The following HERC2 variants were observed in gnomAD, a reference collection of about 807,000 sequenced individuals.
HERC2 encodes the protein HECT and RLD domain containing E3 ubiquitin protein ligase 2, also known as E3 ubiquitin-protein ligase HERC2.
In HERC2, 102 loss-of-function variants were observed where a neutral mutation model predicts 537.7. The ratio of observed to expected loss-of-function variants is 0.19; its 90% CI spans 0.16 to 0.22. The LOEUF (loss-of-function observed/expected upper bound fraction) is 0.22, where lower values mean the gene tolerates loss of function less well. HERC2 is among the 10% of genes least tolerant of loss of function. The probability of loss-of-function intolerance (pLI) is 1.00; values close to 1 mark genes in which losing one functional copy is unlikely to be tolerated. For missense variants in HERC2, 4,236 were observed against 6,198.2 expected (o/e 0.68, Z 10.63); for synonymous variants, 2,224 against 2,466.2 (o/e 0.90, Z 2.91).
At chr15:28,186,857 AGC>A in intron 55 of HERC2, 105 bp from the exon 56 acceptor site, 1 of 690,858 alleles carries the variant, frequency 1.4e-6, no homozygotes, top group East Asian at 2.6e-5. Context: ...ACACGGTTAG[AGC>A]TCCTTTACTT....
chr15:28,248,134 G>A (rs760562123), intron 21 of HERC2, among the ~76,000 whole-genome samples: 4 of 152,130 alleles, frequency 2.6e-5, no homozygotes, highest in South Asian at 2.1e-4. Context: ...CTATTAAGCC[G>A]AGCTGTAACT....
chr15:28,132,568 A>C, intron 80 of HERC2, 85 bp downstream of exon 80: 1 of 1,267,944 alleles, frequency 7.9e-7, no homozygotes, highest in Non-Finnish European at 1.0e-6. Context: ...AGCATTTTTC[A>C]TAACAACGGT....
intron 23 of HERC2, among the ~76,000 whole-genome samples, chr15:28,244,394 A>G (rs1903453057): frequency 6.6e-6 from 1 of 152,164 alleles, no homozygotes; most frequent in South Asian, 2.1e-4. Flanking sequence ...GATGTTGGGT[A>G]GGGACAAGAA....
At chr15:28,302,971 GTTGA>G (rs1315971471) in intron 2 of HERC2, among the ~76,000 whole-genome samples, 178 of 151,366 alleles carry the variant, frequency 1.2e-3, no homozygotes, top group African/African-American at 3.9e-3. Context: ...TCTTCATTTT[GTTGA>G]TTGTTTCCTT....
chr15:28,138,297 G>A (rs931980926), intron 78 of HERC2, among the ~76,000 whole-genome samples: 20 of 152,170 alleles, frequency 1.3e-4, no homozygotes, highest in African/African-American at 2.2e-4. Context: ...TGGAACAACC[G>A]TCTATTGGAA....
intron 21 of HERC2, among the ~76,000 whole-genome samples, chr15:28,247,571 GGCACCTGCCACTATGCCCA>G (rs1903843093): frequency 6.6e-6 from 1 of 152,012 alleles, no homozygotes; most frequent in South Asian, 2.1e-4. Flanking sequence ...TGGGATTACA[GGCACCTGCCACTATGCCCA>G]GCTAATTTTT....
At chr15:28,150,500 C>T (rs1249001812) in intron 70 of HERC2, among the ~76,000 whole-genome samples, 5 of 150,216 alleles carry the variant, frequency 3.3e-5, no homozygotes, top group Non-Finnish European at 4.4e-5. Context: ...AGCTTCTAAC[C>T]GAGAATATCA....
intron 35 of HERC2, 100 bp downstream of exon 35, chr15:28,228,118 A>G: frequency 9.4e-7 from 1 of 1,064,078 alleles, no homozygotes; most frequent in Non-Finnish European, 1.3e-6. Context: ...ACCATAATTT[A>G]CAAAAAGCTT....
chr15:28,129,779 C>T (rs1391236319), intron 83 of HERC2, among the ~76,000 whole-genome samples: 1 of 61,910 alleles, frequency 1.6e-5, no homozygotes, highest in African/African-American at 3.4e-5. Flanking sequence ...GCCTCTGCCT[C>T]CTTTTTTTTT....
chr15:28,193,514 C>A (rs371475859), intron 52 of HERC2, among the ~76,000 whole-genome samples: 3 of 152,092 alleles, frequency 2.0e-5, no homozygotes, highest in East Asian at 3.9e-4. Context: ...GAAGAGTCCC[C>A]CCAAAAAGAT....
chr15:28,280,393 A>G (rs2075991375), intron 4 of HERC2, 106 bp from the exon 5 acceptor site: 1 of 870,684 alleles, frequency 1.1e-6, no homozygotes, highest in South Asian at 1.7e-5. Context: ...CGAAGGCATG[A>G]TATGTGGCAA....
intron 35 of HERC2, among the ~76,000 whole-genome samples, chr15:28,224,028 C>T (rs1900812551): frequency 6.6e-6 from 1 of 151,748 alleles, no homozygotes; most frequent in Non-Finnish European, 1.5e-5. Flanking sequence ...CTAATGAGGC[C>T]TCAAGAAATC....
intron 23 of HERC2, among the ~76,000 whole-genome samples, chr15:28,239,878 G>A (rs1484304322): frequency 6.6e-6 from 1 of 152,112 alleles, no homozygotes; most frequent in African/African-American, 2.4e-5. Flanking sequence ...GTTGTTGGGA[G>A]AAAGACTGAA....
Position 28,154,409 on chromosome 15 carries a change from C to T in HERC2, c.10747-1579G>A, listed in dbSNP as rs187118903. Among the ~76,000 whole-genome samples the T allele has an allele frequency of 2.4e-4, 36 of 152,340 alleles. No individual in the cohort carries two copies. In the East Asian group the frequency reaches 7.0e-3, roughly 29 times the overall value. ...ACACAGAAATAGCCATCTTGCCAAC[C>T]TGGCAAGGGCAGTTTGAAAACGGCC... On this transcript the variant is annotated intron_variant, in intron 69 of 92. Transcript: ENST00000261609.
intron 39 of HERC2, 147 bp from the exon 40 acceptor site, chr15:28,214,949 T>C (rs1268006733): frequency 2.2e-5 from 14 of 643,650 alleles, no homozygotes; most frequent in Middle Eastern, 4.3e-4. Flanking sequence ...CTCGGCTCAC[T>C]ACAAACTCCC....
chr15:28,236,083 G>C (rs1243627055), intron 26 of HERC2, among the ~76,000 whole-genome samples: 3 of 152,172 alleles, frequency 2.0e-5, no homozygotes, highest in Admixed American at 2.0e-4. Flanking sequence ...GGGCATGCAG[G>C]GAGACAAAAG....
intron 4 of HERC2, among the ~76,000 whole-genome samples, chr15:28,292,202 C>G (rs2076334494): frequency 6.9e-6 from 1 of 144,332 alleles, no homozygotes; most frequent in Admixed American, 7.1e-5. Context: ...GCACTCCAGC[C>G]TGGGCAACAA....
intron 55 of HERC2, among the ~76,000 whole-genome samples, chr15:28,188,933 C>G (rs1896577520): frequency 6.6e-6 from 1 of 151,872 alleles, no homozygotes; most frequent in Non-Finnish European, 1.5e-5. Context: ...ATTAAAAATA[C>G]AAAAATTAGC....
chr15:28,115,469 T>G lies in HERC2; in HGVS notation c.13682A>C (p.Gln4561Pro). ...SLNLAEPVWK[Q>P]LAGMSLTIAD... ...GATGGTGAGGCTCATCCCAGCCAGC[T>G]GCTTCCAGACAGGCTCGGCAAGGTT... Residue 4561 changes from glutamine (Q) to proline (P), a missense_variant, in exon 89 of 93, where the codon CAG (glutamine) becomes CCG (proline). Gln to Pro is a moderately conservative substitution (Grantham distance 76, BLOSUM62 -1). Coordinates refer to ENST00000261609, the MANE Select transcript of HERC2 (RefSeq NM_004667.6). The G allele has an allele frequency of 6.2e-7, 1 of 1,614,058 alleles. No individual in the cohort carries two copies. The highest frequency in any genetic ancestry group is 8.5e-7 in the Non-Finnish European group (1 of 1,179,990).
Sources: gnomAD v4.1 joint callset for allele counts (sites outside exome capture counted in the v4.1 genomes callset) on GRCh38, gnomAD v4.1.1 for gene constraint, MANE v1.5 for transcripts, NCBI Gene and HGNC (gene_info 2026-07-23, HGNC 2026-07-21) for gene names.